The following SLC36A1 variants were observed in gnomAD, a reference collection of about 807,000 sequenced individuals.
The protein encoded by SLC36A1 is proton-coupled amino acid transporter 1.
Under a neutral mutation model 47.5 loss-of-function variants are expected in SLC36A1, and 30 were observed. That is an observed-to-expected ratio of 0.63 (90% confidence interval 0.47 to 0.86). The LOEUF is 0.86. Ranked by LOEUF, SLC36A1 falls within the 40% of genes least tolerant of loss-of-function variation. SLC36A1 has a pLI of 0.00. For missense variants in SLC36A1, 517 were observed against 606.0 expected (o/e 0.85, Z 1.54); for synonymous variants, 255 against 249.7 (o/e 1.02, Z -0.20).
chr5:151,442,131 G>T (rs767754875), intron 1 of SLC36A1, among the ~76,000 whole-genome samples: 4 of 151,930 alleles, frequency 2.6e-5, no homozygotes, highest in Non-Finnish European at 5.9e-5. Flanking sequence ...TTTTGGTTGA[G>T]AACATAATTT....
chr5:151,502,177 T>C, the SLC36A1 span, among the ~76,000 whole-genome samples: 423 of 147,646 alleles, frequency 2.9e-3, 67 homozygotes, highest in African/African-American at 9.7e-3. Context: ...CTGGGTGTGG[T>C]GGTGGGCACC....
chr5:151,542,349 C>T, the SLC36A1 span: 16 of 1,613,790 alleles, frequency 9.9e-6, no homozygotes, highest in Middle Eastern at 1.6e-4. Flanking sequence ...TCTTTAGAGT[C>T]GCCACCAGTT....
At chr5:151,425,154 A>G in the SLC36A1 span, among the ~76,000 whole-genome samples, 6 of 152,354 alleles carry the variant, frequency 3.9e-5, no homozygotes, top group African/African-American at 1.2e-4. Context: ...AGAAATGGTC[A>G]CAAGGACACT....
chr5:151,422,100 G>A, the SLC36A1 span: 1 of 152,230 alleles, frequency 6.6e-6, no homozygotes, highest in Non-Finnish European at 1.5e-5. Context: ...GTAAAGCAAA[G>A]AAAGTTGTGT....
chr5:151,515,325 G>A, the SLC36A1 span, among the ~76,000 whole-genome samples: 1 of 152,178 alleles, frequency 6.6e-6, no homozygotes, highest in Non-Finnish European at 1.5e-5. Flanking sequence ...GGGTCTCAAG[G>A]AGTAATCCTT....
chr5:151,529,488 A>C, the SLC36A1 span: 6 of 1,016,434 alleles, frequency 5.9e-6, no homozygotes, highest in Non-Finnish European at 9.1e-6. Flanking sequence ...AGGCAGCTCA[A>C]CAGGGCTAGG....
the SLC36A1 span, among the ~76,000 whole-genome samples, chr5:151,514,356 G>A: frequency 1.3e-4 from 20 of 152,000 alleles, no homozygotes; most frequent in Non-Finnish European, 8.8e-5. Context: ...TAATGTCCTC[G>A]TTCCTCTCCT....
At chr5:151,462,148 C>A (rs964508399) in intron 2 of SLC36A1, among the ~76,000 whole-genome samples, 9 of 152,168 alleles carry the variant, frequency 5.9e-5, no homozygotes, top group African/African-American at 9.6e-5. Flanking sequence ...GGAAAAAAAA[C>A]CAACTTGTAT....
At chr5:151,372,441 TA>T in the SLC36A1 span, among the ~76,000 whole-genome samples, 1 of 151,072 alleles carries the variant, frequency 6.6e-6, no homozygotes, top group Non-Finnish European at 1.5e-5. Flanking sequence ...AATAATTCAT[TA>T]AAAATTTTTT....
the SLC36A1 span, among the ~76,000 whole-genome samples, chr5:151,537,232 GGAA>G: frequency 5.3e-4 from 80 of 150,884 alleles, no homozygotes; most frequent in African/African-American, 1.8e-3. Flanking sequence ...AGGAGGAGGA[GGAA>G]GAAGAAGAAA....
chr5:151,427,550 G>A, the SLC36A1 span, among the ~76,000 whole-genome samples: 4 of 152,180 alleles, frequency 2.6e-5, no homozygotes, highest in African/African-American at 9.7e-5. Flanking sequence ...TTGTCAGACT[G>A]AAACCTGTTC....
chr5:151,358,070 C>T, the SLC36A1 span, among the ~76,000 whole-genome samples: 3 of 152,260 alleles, frequency 2.0e-5, no homozygotes, highest in African/African-American at 7.2e-5. Flanking sequence ...CCCTATTTGA[C>T]CACGGTCTGC....
intron 2 of SLC36A1, among the ~76,000 whole-genome samples, chr5:151,461,692 C>T (rs569814249): frequency 1.4e-4 from 22 of 152,206 alleles, no homozygotes; most frequent in Non-Finnish European, 3.1e-4. Flanking sequence ...CGAATCAAGG[C>T]AGTGGCACCA....
Position 151,474,159 on chromosome 5 carries a change from CAAAAAAAAA to C in SLC36A1, c.822+400_822+408del, listed in dbSNP as rs1156305401. On this transcript the variant is annotated intron_variant, in intron 8 of 10. Coordinates refer to ENST00000243389, the MANE Select transcript of SLC36A1 (RefSeq NM_078483.4). ...TGGGTGACAGAGCGAGACTCTGTCT[CAAAAAAAAA>C]AAAAAAAAAAAGAAATTATCTTCTG... Among the ~76,000 whole-genome samples, 2 of 59,958 alleles carry C rather than the reference CAAAAAAAAA, an allele frequency of 3.3e-5. 1 individual carries two copies. Among genetic ancestry groups the C allele is most frequent in the Admixed American group, 3.8e-4 (2 of 5,324 alleles). The allele number at this position is 59,958 out of a possible 152,430, so 39.3% of individuals were successfully genotyped here.
At chr5:151,521,250 G>A in the SLC36A1 span, 59 of 1,569,804 alleles carry the variant, frequency 3.8e-5, no homozygotes, top group East Asian at 5.9e-4. Flanking sequence ...AGTGCTGCTC[G>A]TCCCTAGGGA....
At chr5:151,460,112 G>C (rs977013104) in intron 2 of SLC36A1, among the ~76,000 whole-genome samples, 1 of 152,170 alleles carries the variant, frequency 6.6e-6, no homozygotes, top group Non-Finnish European at 1.5e-5. Context: ...GGATCACCCT[G>C]CCCCTCTTTC....
chr5:151,440,704 G>T (rs2127440487), intron 1 of SLC36A1, among the ~76,000 whole-genome samples: 1 of 152,274 alleles, frequency 6.6e-6, no homozygotes, highest in South Asian at 2.1e-4. Flanking sequence ...GATCTCATCT[G>T]CTTTTCCAGC....
At chr5:151,406,038 C>T in the SLC36A1 span, among the ~76,000 whole-genome samples, 5 of 152,134 alleles carry the variant, frequency 3.3e-5, no homozygotes, top group East Asian at 1.9e-4. Flanking sequence ...TTTAGGAAAG[C>T]GGGGGATGAG....
intron 7 of SLC36A1, among the ~76,000 whole-genome samples, chr5:151,472,626 T>C (rs1425320381): frequency 6.6e-6 from 1 of 152,222 alleles, no homozygotes; most frequent in Non-Finnish European, 1.5e-5. Context: ...TGTTGTGTGC[T>C]TCTTGGTAAT....
Sources: gnomAD v4.1 joint callset for allele counts (sites outside exome capture counted in the v4.1 genomes callset) on GRCh38, gnomAD v4.1.1 for gene constraint, MANE v1.5 for transcripts, NCBI Gene and HGNC (gene_info 2026-07-23, HGNC 2026-07-21) for gene names.